CDS1: variants seen among roughly 807,000 people sequenced by gnomAD.
The protein encoded by CDS1 is phosphatidate cytidylyltransferase 1.
In CDS1, 41 loss-of-function variants were observed where a neutral mutation model predicts 62.1. That is an observed-to-expected ratio of 0.66 (90% CI 0.51 to 0.86). The LOEUF (loss-of-function observed/expected upper bound fraction) is 0.86, where lower values mean the gene tolerates loss of function less well. CDS1 is among the 40% of genes least tolerant of loss of function. The probability of loss-of-function intolerance (pLI) is 0.00; values close to 1 mark genes in which losing one functional copy is unlikely to be tolerated. For synonymous variants in CDS1, 185 were observed against 192.6 expected (o/e 0.96, Z 0.32); for missense variants, 470 against 550.1 (o/e 0.85, Z 1.46).
intron 5 of CDS1, among the ~76,000 whole-genome samples, chr4:84,627,426 C>T (rs1200073290): frequency 6.6e-6 from 1 of 152,046 alleles, no homozygotes; most frequent in Non-Finnish European, 1.5e-5. Flanking sequence ...TCTCTAGAGT[C>T]TAGATATATA....
intron 3 of CDS1, among the ~76,000 whole-genome samples, chr4:84,615,216 A>G (rs1723451074): frequency 6.6e-6 from 1 of 151,674 alleles, no homozygotes; most frequent in African/African-American, 2.4e-5. Flanking sequence ...TTCCTCACGC[A>G]CCATGTCTAG....
intron 1 of CDS1, among the ~76,000 whole-genome samples, chr4:84,595,016 C>G (rs948174992): frequency 6.6e-6 from 1 of 152,070 alleles, no homozygotes; most frequent in African/African-American, 2.4e-5. Flanking sequence ...ATATGAAAAC[C>G]CTCAAAGCAC....
intron 11 of CDS1, among the ~76,000 whole-genome samples, chr4:84,644,595 T>C (rs1381668877): frequency 6.6e-6 from 1 of 152,194 alleles, no homozygotes; most frequent in Non-Finnish European, 1.5e-5. Context: ...GAGCAGTTAG[T>C]CATGTCCATT....
intron 4 of CDS1, among the ~76,000 whole-genome samples, chr4:84,618,316 G>A (rs905393641): frequency 2.6e-5 from 4 of 152,212 alleles, no homozygotes; most frequent in South Asian, 2.1e-4. Context: ...TCTTGATTTC[G>A]GTGATAGCTG....
At chr4:84,642,585 A>G (rs1201965702) in intron 10 of CDS1, among the ~76,000 whole-genome samples, 1 of 152,174 alleles carries the variant, frequency 6.6e-6, no homozygotes, top group Non-Finnish European at 1.5e-5. Flanking sequence ...CATTCATCTT[A>G]ATTTTAGAGA....
At chr4:84,600,082 T>G (rs1722890014) in intron 1 of CDS1, among the ~76,000 whole-genome samples, 1 of 152,208 alleles carries the variant, frequency 6.6e-6, no homozygotes. Flanking sequence ...TTCTGATAGA[T>G]GTATGGTAGA....
intron 7 of CDS1, among the ~76,000 whole-genome samples, chr4:84,634,653 C>A (rs1012267591): frequency 4.6e-5 from 7 of 151,760 alleles, no homozygotes; most frequent in African/African-American, 1.2e-4. Flanking sequence ...GTGGTTGTGT[C>A]TTTGTGTGTG....
At chr4:84,609,192 A>G (rs542990670) in intron 2 of CDS1, among the ~76,000 whole-genome samples, 1 of 151,748 alleles carries the variant, frequency 6.6e-6, no homozygotes, top group South Asian at 2.1e-4. Flanking sequence ...AAAAAAAAAA[A>G]AAAAAAAAAG....
intron 3 of CDS1, among the ~76,000 whole-genome samples, chr4:84,611,202 G>C (rs1723308877): frequency 6.6e-6 from 1 of 152,192 alleles, no homozygotes; most frequent in South Asian, 2.1e-4. Flanking sequence ...GAACCGAGGA[G>C]AAATGCATTT....
chr4:84,619,322 A>G lies in CDS1; in HGVS notation c.441-72A>G, dbSNP rs1222197906. On this transcript the variant is annotated intron_variant, in intron 4 of 12. Coordinates refer to ENST00000295887, the MANE Select transcript of CDS1 (RefSeq NM_001263.4). ...TGATCTTTGTGTCATCAGAATGTAG[A>G]AAATAATTTTGTTGAGTTTGAGGGG... 3 of 769,928 alleles carry G rather than the reference A, an allele frequency of 3.9e-6. No homozygotes were observed. The African/African-American group carries it at 5.3e-5, about 14-fold the overall frequency. The allele number at this position is 769,928 out of a possible 1,614,324, so 47.7% of individuals were successfully genotyped here.
At chr4:84,625,460 A>G (rs975497019) in intron 5 of CDS1, among the ~76,000 whole-genome samples, 2 of 152,152 alleles carry the variant, frequency 1.3e-5, no homozygotes, top group Admixed American at 6.6e-5. Context: ...AAGGAAGGCC[A>G]TGGAAGGCCT....
chr4:84,598,937 G>T (rs918212838), intron 1 of CDS1, among the ~76,000 whole-genome samples: 1 of 152,126 alleles, frequency 6.6e-6, no homozygotes, highest in East Asian at 1.9e-4. Flanking sequence ...CCTCAGTATT[G>T]GGAAGCACCT....
intron 1 of CDS1, among the ~76,000 whole-genome samples, chr4:84,584,685 A>G (rs1333506257): frequency 6.6e-6 from 1 of 152,256 alleles, no homozygotes; most frequent in East Asian, 1.9e-4. Flanking sequence ...ATATCACGAA[A>G]TAAACGTAAA....
At chr4:84,602,417 A>G (rs1722965110) in intron 1 of CDS1, among the ~76,000 whole-genome samples, 1 of 152,188 alleles carries the variant, frequency 6.6e-6, no homozygotes, top group African/African-American at 2.4e-5. Context: ...TTTGAGGAGC[A>G]CAATTTGAAT....
chr4:84,602,164 C>T (rs958501487), intron 1 of CDS1, among the ~76,000 whole-genome samples: 2 of 152,134 alleles, frequency 1.3e-5, no homozygotes, highest in African/African-American at 2.4e-5. Flanking sequence ...AGTTGAGTAA[C>T]GTTGCTCCAA....
intron 6 of CDS1, among the ~76,000 whole-genome samples, chr4:84,633,001 G>A (rs1316527268): frequency 2.6e-5 from 4 of 152,150 alleles, no homozygotes; most frequent in African/African-American, 9.7e-5. Context: ...GCACACACCT[G>A]TAGTCCCAGC....
chr4:84,625,859 A>G (rs1305544662), intron 5 of CDS1, among the ~76,000 whole-genome samples: 1 of 151,810 alleles, frequency 6.6e-6, no homozygotes, highest in East Asian at 1.9e-4. Flanking sequence ...TGTAGTTAAT[A>G]CTAAATGAGT....
At chr4:84,608,375 C>T (rs562176551) in intron 2 of CDS1, among the ~76,000 whole-genome samples, 153 of 152,230 alleles carry the variant, frequency 1.0e-3, no homozygotes, top group African/African-American at 3.4e-3. Context: ...GGGGTTTCAC[C>T]GTGTTAGCCA....
intron 1 of CDS1, among the ~76,000 whole-genome samples, chr4:84,597,987 G>A (rs999795370): frequency 2.6e-5 from 4 of 151,844 alleles, no homozygotes; most frequent in South Asian, 2.1e-4. Context: ...TTAGCCGGGC[G>A]TGGTGGCGGG....
Sources: gnomAD v4.1 joint callset for allele counts (sites outside exome capture counted in the v4.1 genomes callset) on GRCh38, gnomAD v4.1.1 for gene constraint, MANE v1.5 for transcripts, NCBI Gene and HGNC (gene_info 2026-07-23, HGNC 2026-07-21) for gene names.